Variants in INPP5F observed in about 807,000 individuals in gnomAD.
INPP5F encodes phosphatidylinositide 4-phosphatase SAC2.
A neutral mutation model predicts 137.2 loss-of-function variants in INPP5F; 97 were observed. That is an observed-to-expected ratio of 0.71 (90% CI 0.60 to 0.84). INPP5F has a LOEUF of 0.84. INPP5F is among the 40% of genes least tolerant of loss of function. The pLI, the probability that INPP5F is intolerant of heterozygous loss-of-function variation, is 0.00. For missense variants in INPP5F, 1,271 were observed against 1,371.9 expected (o/e 0.93, Z 1.16); for synonymous variants, 504 against 476.9 (o/e 1.06, Z -0.74).
chr10:119,779,804 T>C (rs1244617014), intron 2 of INPP5F, among the ~76,000 whole-genome samples: 1 of 152,204 alleles, frequency 6.6e-6, no homozygotes, highest in Admixed American at 6.5e-5. Flanking sequence ...GTTTTAAAAC[T>C]TTTTGACTCT....
intron 1 of INPP5F, among the ~76,000 whole-genome samples, chr10:119,727,398 C>T (rs949124478): frequency 6.6e-6 from 1 of 152,244 alleles, no homozygotes; most frequent in Non-Finnish European, 1.5e-5. Flanking sequence ...TTTTTAAGGA[C>T]AGGCCCTTTA....
chr10:119,799,504 A>G (rs1207040624), intron 9 of INPP5F, among the ~76,000 whole-genome samples: 2 of 152,132 alleles, frequency 1.3e-5, no homozygotes, highest in African/African-American at 4.8e-5. Context: ...TAATATATAA[A>G]TTTTGGGCAA....
At chr10:119,812,858 T>C (rs1398223214) in intron 15 of INPP5F, among the ~76,000 whole-genome samples, 1 of 152,176 alleles carries the variant, frequency 6.6e-6, no homozygotes, top group Non-Finnish European at 1.5e-5. Context: ...GGTAAAGCTA[T>C]TTTGATTCAT....
rs1389276197 is a variant in INPP5F, at chr10:119,792,230, A to G, written c.669+17A>G. On this transcript the variant is annotated intron_variant, in intron 6 of 19. Transcript: ENST00000650623. ...GAGATTGGTGTGAGTAGTTGTTTCTAAAATTTCCTAACCGTAATGAAATTG... is the reference window on the plus strand; with the variant it reads ...GAGATTGGTGTGAGTAGTTGTTTCTGAAATTTCCTAACCGTAATGAAATTG... 1 of 1,567,388 alleles carries G rather than the reference A, an allele frequency of 6.4e-7. No homozygotes were observed. The highest frequency in any genetic ancestry group is 1.1e-5 in the South Asian group (1 of 89,274).
Position 119,791,913 on chromosome 10 carries a change from T to TGAA in INPP5F, c.492_494dup (p.Glu165dup). 1 of 1,613,182 alleles carries TGAA rather than the reference T, an allele frequency of 6.2e-7. No individual in the cohort carries two copies. The highest frequency in any genetic ancestry group is 8.5e-7 in the Non-Finnish European group (1 of 1,179,316). ...AGGAGAAGTTGGAGAGGAGATTACT[T>TGAA]GAAGAGTTGCTGAAGATGTTCATGG... On this transcript the variant is annotated inframe_insertion, in exon 5 of 20. Transcript: ENST00000650623.
chr10:119,729,129 T>A lies in INPP5F; in HGVS notation c.97+2770T>A, dbSNP rs1006189888. Among the ~76,000 whole-genome samples the A allele has an allele frequency of 3.3e-5, 5 of 152,056 alleles. No homozygotes were observed. The South Asian group carries it at 1.0e-3, about 32-fold the overall frequency. Reference sequence around the variant, plus strand: ...TGTTTGTTGCTCTTTTTAGGCCTGTTTTTTTGGGGGAGGGGGAAAGGGCGG... The same window carrying A: ...TGTTTGTTGCTCTTTTTAGGCCTGTATTTTTGGGGGAGGGGGAAAGGGCGG... On this transcript the variant is annotated intron_variant, in intron 1 of 19. Coordinates refer to ENST00000650623, the MANE Select transcript of INPP5F (RefSeq NM_014937.4).
At chr10:119,803,956 A>G (rs1341451792) in intron 9 of INPP5F, among the ~76,000 whole-genome samples, 3 of 152,230 alleles carry the variant, frequency 2.0e-5, no homozygotes, top group Non-Finnish European at 4.4e-5. Context: ...ATTGATGTCA[A>G]TTCTCACAAA....
At chr10:119,773,469 C>A (rs1033665195) in intron 2 of INPP5F, among the ~76,000 whole-genome samples, 2 of 152,186 alleles carry the variant, frequency 1.3e-5, no homozygotes, top group African/African-American at 4.8e-5. Context: ...AGTGAACATA[C>A]TACCCAATAG....
chr10:119,826,348 T>C (rs536446052), intron 19 of INPP5F, among the ~76,000 whole-genome samples: 1 of 152,244 alleles, frequency 6.6e-6, no homozygotes, highest in African/African-American at 2.4e-5. Context: ...AATATTTTTA[T>C]GTTGAAATAT....
At chr10:119,794,133 G>GTC (rs1169769096) in intron 6 of INPP5F, among the ~76,000 whole-genome samples, 1 of 152,000 alleles carries the variant, frequency 6.6e-6, no homozygotes, top group East Asian at 1.9e-4. Flanking sequence ...GTGAACAAAG[G>GTC]TCTCTGGTTT....
chr10:119,736,458 A>C (rs953679888), intron 1 of INPP5F, among the ~76,000 whole-genome samples: 2 of 152,144 alleles, frequency 1.3e-5, no homozygotes, highest in Non-Finnish European at 2.9e-5. Context: ...GAGCCACTGC[A>C]CCCAGCCCAA....
At chr10:119,819,476 A>C in intron 15 of INPP5F, 1 of 1,598,902 alleles carries the variant, frequency 6.3e-7, no homozygotes, top group Non-Finnish European at 8.5e-7. Flanking sequence ...AATTTATTTC[A>C]TATTAAAATG....
chr10:119,729,573 A>C (rs1425892001), intron 1 of INPP5F, among the ~76,000 whole-genome samples: 1 of 126,422 alleles, frequency 7.9e-6, no homozygotes, highest in Non-Finnish European at 1.7e-5. Flanking sequence ...GCATTATCTC[A>C]TTATCTTTTT....
At chr10:119,797,377 A>T (rs1451602796) in intron 7 of INPP5F, 84 bp from the exon 8 acceptor site, 2 of 1,077,728 alleles carry the variant, frequency 1.9e-6, no homozygotes. Flanking sequence ...CCTGGAAGAC[A>T]TACATTTGAT....
intron 9 of INPP5F, among the ~76,000 whole-genome samples, chr10:119,799,590 G>A (rs186509579): frequency 6.9e-4 from 105 of 152,256 alleles, no homozygotes; most frequent in African/African-American, 2.4e-3. Flanking sequence ...AGAATTAAAA[G>A]GGGCGAGTAT....
At chr10:119,806,524 CT>C (rs201734045) in intron 12 of INPP5F, 44 bp downstream of exon 12, 313 of 1,505,216 alleles carry the variant, frequency 2.1e-4, no homozygotes, top group South Asian at 7.8e-4. Context: ...TTTCGAAATG[CT>C]TTTTTTTTCC....
chr10:119,794,738 T>TG (rs1324183743), intron 6 of INPP5F, among the ~76,000 whole-genome samples: 2 of 25,928 alleles, frequency 7.7e-5, no homozygotes, highest in Admixed American at 3.6e-4. Flanking sequence ...GCTGGCCAGG[T>TG]GGGGGGGCTG....
chr10:119,806,503 G>A, intron 12 of INPP5F, 23 bp downstream of exon 12: 1 of 1,552,752 alleles, frequency 6.4e-7, no homozygotes. Context: ...CTGTTGGATT[G>A]CAAATATTCA....
chr10:119,729,740 G>A (rs1001020130), intron 1 of INPP5F, among the ~76,000 whole-genome samples: 7 of 149,336 alleles, frequency 4.7e-5, no homozygotes, highest in African/African-American at 1.7e-4. Flanking sequence ...ACCACACCTG[G>A]CTAATTTTTT....
Sources: allele counts gnomAD v4.1 joint callset (sites outside exome capture counted in the v4.1 genomes callset), GRCh38; gene constraint gnomAD v4.1.1; transcripts MANE v1.5; gene names NCBI Gene and HGNC (gene_info 2026-07-23, HGNC 2026-07-21).